The following THSD7B variants were observed in gnomAD, a reference collection of about 807,000 sequenced individuals.
The protein encoded by THSD7B is thrombospondin type 1 domain containing 7B, also known as thrombospondin type-1 domain-containing protein 7B.
Under a neutral mutation model 213.6 loss-of-function variants are expected in THSD7B, and 138 were observed. The observed-to-expected ratio is 0.65, with a 90% CI of 0.56 to 0.74. The LOEUF (loss-of-function observed/expected upper bound fraction) is 0.74. Among genes scored for constraint, THSD7B ranks in the 30% least tolerant of loss-of-function variants. THSD7B has a pLI of 0.00. For synonymous variants in THSD7B, 742 were observed against 687.0 expected (o/e 1.08, Z -1.25); for missense variants, 1,931 against 1,991.5 (o/e 0.97, Z 0.58).
intron 1 of THSD7B, among the ~76,000 whole-genome samples, chr2:136,848,828 C>G (rs1224514642): frequency 6.6e-6 from 1 of 152,104 alleles, no homozygotes; most frequent in Non-Finnish European, 1.5e-5. Context: ...TAATTAATTT[C>G]TCACTCTGTG....
intron 17 of THSD7B, among the ~76,000 whole-genome samples, chr2:137,609,033 T>G (rs6756647): frequency 0.22 from 32,911 of 152,132 alleles, 4,153 homozygotes; most frequent in African/African-American, 0.34. Context: ...GGATACACAT[T>G]CATTAATCTC....
chr2:136,895,859 T>C (rs1683949393), intron 2 of THSD7B, among the ~76,000 whole-genome samples: 1 of 152,188 alleles, frequency 6.6e-6, no homozygotes, highest in Non-Finnish European at 1.5e-5. Context: ...AATAGAATAA[T>C]ACAATATTGG....
intron 12 of THSD7B, among the ~76,000 whole-genome samples, chr2:137,317,554 A>C (rs1023994897): frequency 6.6e-6 from 1 of 152,232 alleles, no homozygotes; most frequent in Non-Finnish European, 1.5e-5. Context: ...AATTTCTCAG[A>C]TAGTTTCAAC....
intron 1 of THSD7B, among the ~76,000 whole-genome samples, chr2:136,857,579 A>C (rs1323564720): frequency 1.3e-5 from 2 of 151,936 alleles, no homozygotes; most frequent in Admixed American, 1.3e-4. Context: ...AAATTTGCTA[A>C]TTTATATAAT....
intron 27 of THSD7B, among the ~76,000 whole-genome samples, chr2:137,675,647 G>T (rs1053036171): frequency 6.6e-6 from 1 of 151,986 alleles, no homozygotes; most frequent in Non-Finnish European, 1.5e-5. Context: ...AAAACATTCA[G>T]CACAGATCTT....
At chr2:137,284,938 T>C (rs1213843662) in intron 12 of THSD7B, among the ~76,000 whole-genome samples, 1 of 152,174 alleles carries the variant, frequency 6.6e-6, no homozygotes, top group South Asian at 2.1e-4. Context: ...GAGCTGAGTT[T>C]AATTCCTGGA....
At chr2:137,123,303 G>A (rs1015600286) in intron 5 of THSD7B, among the ~76,000 whole-genome samples, 10 of 152,058 alleles carry the variant, frequency 6.6e-5, no homozygotes, top group Non-Finnish European at 1.2e-4. Flanking sequence ...GCTCCCTGTG[G>A]GGTGAACCTT....
Position 137,594,431 on chromosome 2 carries a change from T to A in THSD7B, c.3424-21744T>A, listed in dbSNP as rs117415974. On this transcript the variant is annotated intron_variant, in intron 17 of 27. Coordinates refer to ENST00000409968, the MANE Select transcript of THSD7B (RefSeq NM_001316349.2). The stretch of plus-strand genomic sequence containing the variant: ...GTAAAAATATCTGAAGGAATCTGAA[T>A]GTGGCACCAATGTTATCTGCTATAA... Among the ~76,000 whole-genome samples the A allele has an allele frequency of 4.7e-4, 72 of 152,150 alleles. 1 individual carries two copies. In the East Asian group the frequency reaches 7.9e-3, roughly 17 times the overall value.
At chr2:137,400,252 G>A (rs1040162676) in intron 12 of THSD7B, among the ~76,000 whole-genome samples, 9 of 151,904 alleles carry the variant, frequency 5.9e-5, no homozygotes, top group African/African-American at 4.8e-5. Flanking sequence ...TCTATTGCTG[G>A]TGGAGGATTA....
chr2:136,875,594 A>T (rs1169149139), intron 1 of THSD7B, among the ~76,000 whole-genome samples: 1 of 152,184 alleles, frequency 6.6e-6, no homozygotes, highest in Non-Finnish European at 1.5e-5. Context: ...TCTTATTGGC[A>T]CTAGGCCTTG....
At chr2:137,655,121 G>A (rs1037838131) in intron 21 of THSD7B, among the ~76,000 whole-genome samples, 6 of 152,084 alleles carry the variant, frequency 3.9e-5, no homozygotes, top group Non-Finnish European at 7.4e-5. Flanking sequence ...AGAAAAACAG[G>A]TAAAATAAAA....
intron 5 of THSD7B, among the ~76,000 whole-genome samples, chr2:137,127,994 G>A (rs1263952216): frequency 6.6e-6 from 1 of 151,978 alleles, no homozygotes; most frequent in Non-Finnish European, 1.5e-5. Flanking sequence ...AATAAATATA[G>A]GGAAACATAG....
chr2:137,408,817 C>A (rs1010772598), intron 13 of THSD7B, among the ~76,000 whole-genome samples: 3 of 152,150 alleles, frequency 2.0e-5, no homozygotes, highest in Non-Finnish European at 2.9e-5. Context: ...TTTCTCTAAC[C>A]ACTCTTCCAT....
intron 5 of THSD7B, among the ~76,000 whole-genome samples, chr2:137,118,103 A>T (rs1688477584): frequency 2.0e-5 from 3 of 152,232 alleles, no homozygotes; most frequent in Non-Finnish European, 4.4e-5. Context: ...AGCCAATAGA[A>T]TTGGGAATGA....
chr2:136,768,447 A>G (rs1166227137), intron 1 of THSD7B, among the ~76,000 whole-genome samples: 1 of 152,256 alleles, frequency 6.6e-6, no homozygotes, highest in Non-Finnish European at 1.5e-5. Context: ...CACACTTTAC[A>G]AAGATTAGGC....
At chr2:137,402,577 G>A (rs1686394157) in intron 12 of THSD7B, among the ~76,000 whole-genome samples, 2 of 151,988 alleles carry the variant, frequency 1.3e-5, no homozygotes, top group Admixed American at 6.6e-5. Context: ...AGCACTTTGG[G>A]AGGTCGAGGT....
At chr2:137,009,230 T>G (rs1443696929) in intron 2 of THSD7B, among the ~76,000 whole-genome samples, 1 of 152,194 alleles carries the variant, frequency 6.6e-6, no homozygotes. Context: ...CTGTCCACAA[T>G]GGGGCTTATC....
intron 1 of THSD7B, among the ~76,000 whole-genome samples, chr2:136,787,869 C>T (rs1038807124): frequency 1.3e-5 from 2 of 151,974 alleles, no homozygotes; most frequent in African/African-American, 4.8e-5. Context: ...TCCTTCTGTC[C>T]TAAGGCTGCC....
intron 2 of THSD7B, among the ~76,000 whole-genome samples, chr2:137,041,471 G>C (rs1318404623): frequency 6.6e-6 from 1 of 151,524 alleles, no homozygotes. Context: ...TGTGCCCACA[G>C]AAGAATGTAT....
Sources: gnomAD v4.1 joint callset for allele counts (sites outside exome capture counted in the v4.1 genomes callset) on GRCh38, gnomAD v4.1.1 for gene constraint, MANE v1.5 for transcripts, NCBI Gene and HGNC (gene_info 2026-07-23, HGNC 2026-07-21) for gene names.